The following SMPDL3B variants were observed in gnomAD, a reference collection of about 807,000 sequenced individuals.
The protein encoded by SMPDL3B is sphingomyelin phosphodiesterase acid like 3B, also known as acid sphingomyelinase-like phosphodiesterase 3b.
A neutral mutation model predicts 37.9 loss-of-function variants in SMPDL3B; 31 were observed. The ratio of observed to expected loss-of-function variants is 0.82; its 90% CI spans 0.61 to 1.10. The LOEUF is 1.10. SMPDL3B is among the 50% of genes least tolerant of loss of function. The pLI is 0.00. For synonymous variants in SMPDL3B, 235 were observed against 242.6 expected, an observed-to-expected ratio of 0.97 and a Z score of 0.29; for missense variants, 525 against 597.8, an observed-to-expected ratio of 0.88 and a Z score of 1.27.
Position 27,955,760 on chromosome 1 carries a change from A to T in SMPDL3B, c.767A>T (p.Asn256Ile), listed in dbSNP as rs142372735. ...QNKAWFREGF[N>I]EKYLKVVRKH... ...AAGGCATGGTTCCGGGAGGGCTTCA[A>T]TGAAAAATACCTGAAGGTGGTCCGG... Residue 256 changes from asparagine to isoleucine, a missense_variant, in exon 6 of 8, where the codon AAT (asparagine) becomes ATT (isoleucine). Transcript: ENST00000373894. 287 of 1,614,038 alleles carry T rather than the reference A, an allele frequency of 1.8e-4. 1 individual carries two copies. Among genetic ancestry groups the T allele is most frequent in the Non-Finnish European group, 2.2e-4 (265 of 1,180,028 alleles).
At chr1:27,935,446 G>A (rs1358400917) in intron 1 of SMPDL3B, among the ~76,000 whole-genome samples, 1 of 152,188 alleles carries the variant, frequency 6.6e-6, no homozygotes, top group Non-Finnish European at 1.5e-5. Context: ...CAGCTGGCCA[G>A]GGAGGGACAC....
chr1:27,935,841 G>A (rs1023404444), intron 1 of SMPDL3B, among the ~76,000 whole-genome samples: 3 of 152,180 alleles, frequency 2.0e-5, no homozygotes, highest in Non-Finnish European at 2.9e-5. Context: ...CCACATGGGT[G>A]TCCAGAACAT....
chr1:27,939,804 G>C (rs2090341973), intron 1 of SMPDL3B, among the ~76,000 whole-genome samples: 1 of 131,846 alleles, frequency 7.6e-6, no homozygotes, highest in African/African-American at 2.8e-5. Context: ...CTGGGTTTTT[G>C]TTTGTTTGTT....
At chr1:27,949,272 C>A in intron 3 of SMPDL3B, 110 bp downstream of exon 3, 1 of 1,140,670 alleles carries the variant, frequency 8.8e-7, no homozygotes, top group Non-Finnish European at 1.3e-6. Context: ...CATCCATGGA[C>A]AGCGATGGCT....
chr1:27,947,596 T>C (rs28491934), intron 2 of SMPDL3B, among the ~76,000 whole-genome samples: 3 of 134,350 alleles, frequency 2.2e-5, no homozygotes, highest in African/African-American at 8.5e-5. Context: ...CCAGCCTGGG[T>C]GACAGAGCGA....
chr1:27,956,933 G>C (rs529657848), intron 7 of SMPDL3B, among the ~76,000 whole-genome samples: 2 of 152,006 alleles, frequency 1.3e-5, no homozygotes, highest in Non-Finnish European at 2.9e-5. Flanking sequence ...TGGGTATCTT[G>C]GGGAGGTGGA....
Position 27,958,354 on chromosome 1 carries a change from C to A in SMPDL3B, c.1006-122C>A. Reference sequence around the variant, plus strand: ...AGCACAATGGGTGCACAGCTAAGTGCTCAATAACTACTAGTGGTCATGGTC... The same window carrying A: ...AGCACAATGGGTGCACAGCTAAGTGATCAATAACTACTAGTGGTCATGGTC... On this transcript the variant is annotated intron_variant, in intron 7 of 7. Coordinates refer to ENST00000373894, the MANE Select transcript of SMPDL3B (RefSeq NM_014474.4). This position sits in a 1 kb window ranked among gnomAD's most constrained non-coding sequence, Gnocchi z 5.6. The A allele has an allele frequency of 7.6e-7, 1 of 1,322,998 alleles. No homozygotes were observed. The allele number at this position is 1,322,998 out of a possible 1,614,324, so 82.0% of individuals were successfully genotyped here. A position where few individuals can be genotyped will look rare whatever the true frequency, so the allele number is the denominator to read the frequency against.
rs2148675756 is a variant in SMPDL3B at position 27,945,165 on chromosome 1, C to G, written c.62-67C>G. 1 of 1,531,900 alleles carries G rather than the reference C, an allele frequency of 6.5e-7. No individual in the cohort carries two copies. The highest frequency in any genetic ancestry group is 1.4e-5 in the African/African-American group (1 of 73,488). The allele number at this position is 1,531,900 out of a possible 1,614,324, so 94.9% of individuals were successfully genotyped here. A position where few individuals can be genotyped will look rare whatever the true frequency, so the allele number is the denominator to read the frequency against. On this transcript the variant is annotated intron_variant, in intron 1 of 7. Coordinates refer to ENST00000373894, the MANE Select transcript of SMPDL3B (RefSeq NM_014474.4). The surrounding 1 kb of genome is among the most constrained non-coding windows in gnomAD (Gnocchi z 4.0). ...GCCCCTGCCCCAGCCCAGGGCTCCC[C>G]TGGACTTCCTTGCTTCCAGGCTGAG...
rs1435417062 is a variant in SMPDL3B, at chr1:27,954,445, G to A, written c.609G>A (p.Leu203=). The change falls in exon 5 of 8, where the codon CTG becomes CTA. Residue 203 remains leucine, a synonymous_variant. Transcript: ENST00000373894. ...NTNLYYTSNA[L]TADMADPGQQ... is the part of the protein sequence containing the mutation. ...ATCTGTACTATACCAGCAATGCGCT[G>A]ACAGCAGACATGGCGGACCCTGGCC... 17 of 1,614,024 alleles carry A rather than the reference G, an allele frequency of 1.1e-5. No individual in the cohort carries two copies. The highest frequency in any genetic ancestry group is 1.4e-5 in the Non-Finnish European group (17 of 1,180,046).
rs1474334436 is a variant in SMPDL3B at position 27,958,248 on chromosome 1, C to T, written c.1006-228C>T. On this transcript the variant is annotated intron_variant, in intron 7 of 7. Coordinates refer to ENST00000373894, the MANE Select transcript of SMPDL3B (RefSeq NM_014474.4). This position sits in a 1 kb window ranked among gnomAD's most constrained non-coding sequence, Gnocchi z 5.6. ...TATGACCCTGGCCAAGTGAATTAAC[C>T]TCTTTAGGCCTCAGTTTCCTCATTT... 2.0e-5 allele frequency among the ~76,000 whole-genome samples: 3 copies of T among 152,178 alleles called. No individual in the cohort carries two copies. Among genetic ancestry groups the T allele is most frequent in the Non-Finnish European group, 4.4e-5 (3 of 68,032 alleles).
chr1:27,954,601 C>A, intron 5 of SMPDL3B, 75 bp downstream of exon 5: 1 of 1,420,258 alleles, frequency 7.0e-7, no homozygotes, highest in Non-Finnish European at 9.8e-7. Context: ...CACAAACTCA[C>A]CCACCCACCC....
intron 1 of SMPDL3B, among the ~76,000 whole-genome samples, chr1:27,944,063 G>A (rs1040624734): frequency 3.3e-5 from 5 of 149,906 alleles, no homozygotes; most frequent in Admixed American, 6.7e-5. Flanking sequence ...TGTTGGGTTC[G>A]CATGAGAAGT....
Position 27,958,788 on chromosome 1 carries a change from C to T in SMPDL3B, c.1318C>T (p.Leu440Phe), listed in dbSNP as rs773992496. 2 of 1,608,118 alleles carry T rather than the reference C, an allele frequency of 1.2e-6. No individual in the cohort carries two copies. The highest frequency in any genetic ancestry group is 2.2e-5 in the East Asian group (1 of 44,686). Residue 440 changes from leucine to phenylalanine, a missense_variant, in exon 8 of 8, where the codon CTC (leucine) becomes TTC (phenylalanine). By Grantham distance (22) the Leu-to-Phe change is conservative. Transcript: ENST00000373894. The surrounding 1 kb of genome is among the most constrained non-coding windows in gnomAD (Gnocchi z 5.6). ...CTCTGGCACCACGCCCGTGCCCCAG[C>T]TCCCGCTGCTGCTGATGGCCCTGCT... ...YASGTTPVPQ[L>F]PLLLMALLGL...
At position 27,954,356 on chromosome 1, in the gene SMPDL3B, G is replaced by A. The variant is rs1298096347; in HGVS notation, c.520G>A (p.Ala174Thr). 6.2e-7 allele frequency: 1 copy of A among 1,613,212 alleles called. No individual in the cohort carries two copies. Among genetic ancestry groups the A allele is most frequent in the Non-Finnish European group, 8.5e-7 (1 of 1,179,538 alleles). ...NESIALFKKG[A>T]FYCEKLPGPS... Reference sequence around the variant, plus strand: ...CATATTGTCCCTGGCTGTGACAGGTGCCTTCTACTGTGAGAAGCTGCCGGG... The same window carrying A: ...CATATTGTCCCTGGCTGTGACAGGTACCTTCTACTGTGAGAAGCTGCCGGG... Residue 174 changes from alanine to threonine, a missense_variant and splice_region_variant, in exon 5 of 8, where the codon GCC (alanine) becomes ACC (threonine). Transcript: ENST00000373894.
intron 3 of SMPDL3B, among the ~76,000 whole-genome samples, chr1:27,952,295 C>T (rs1050445537): frequency 1.3e-5 from 2 of 152,100 alleles, no homozygotes; most frequent in African/African-American, 4.8e-5. Flanking sequence ...TCAGCATTTC[C>T]AGGTCTTGTC....
rs950335814 is a variant in SMPDL3B at position 27,953,460 on chromosome 1, A to G, written c.517+102A>G. On this transcript the variant is annotated intron_variant, in intron 4 of 7. Transcript: ENST00000373894. ...TAGAATAAGTACTGATTTTATCCCC[A>G]ATTTACAGATAAGGAAGCCAGGGTC... The G allele has an allele frequency of 3.7e-6, 4 of 1,085,228 alleles. No individual in the cohort carries two copies. In the African/African-American group the frequency reaches 4.8e-5, roughly 13 times the overall value. The allele number at this position is 1,085,228 out of a possible 1,614,324, so 67.2% of individuals were successfully genotyped here.
rs183849315 is a variant in SMPDL3B, at chr1:27,948,906, C to G, written c.276-159C>G. 6.4e-4 allele frequency: 894 copies of G among 1,388,918 alleles called. 3 individuals are homozygous for G. In the African/African-American group the frequency reaches 0.011, roughly 16 times the overall value. 86.0% of individuals were successfully genotyped at this position (1,388,918 alleles called of 1,614,324 possible). ...AAATGGCAAAGCCTAGTTCTCAGCT[C>G]TGTCCCATCTGACTCCACTCTAGCC... is the stretch of plus-strand genomic sequence containing the variant. On this transcript the variant is annotated intron_variant, in intron 2 of 7. Transcript: ENST00000373894.
chr1:27,953,584 A>G (rs1199452022), intron 4 of SMPDL3B, among the ~76,000 whole-genome samples: 1 of 152,180 alleles, frequency 6.6e-6, no homozygotes, highest in Non-Finnish European at 1.5e-5. Context: ...CTAAGTTCAT[A>G]TTTATTGAGC....
chr1:27,954,424 G>T lies in SMPDL3B; in HGVS notation c.588G>T (p.Leu196=). ...GAATTGTGGTCCTCAACACCAATCT[G>T]TACTATACCAGCAATGCGCTGACAG... ...AGRIVVLNTN[L]YYTSNALTAD... The change falls in exon 5 of 8, where the codon CTG becomes CTT. Residue 196 remains leucine (L), a synonymous_variant. Coordinates refer to ENST00000373894, the MANE Select transcript of SMPDL3B (RefSeq NM_014474.4). 6.2e-7 allele frequency: 1 copy of T among 1,614,134 alleles called. No individual in the cohort carries two copies. Among genetic ancestry groups the T allele is most frequent in the East Asian group, 2.2e-5 (1 of 44,896 alleles).
Sources: gnomAD v4.1 joint callset for allele counts (sites outside exome capture counted in the v4.1 genomes callset) on GRCh38, gnomAD v4.1.1 for gene constraint, Gnocchi (gnomAD v3.1) non-coding constraint, MANE v1.5 for transcripts, NCBI Gene and HGNC (gene_info 2026-07-23, HGNC 2026-07-21) for gene names.